Variants in MCF2L observed in about 807,000 individuals in gnomAD.
MCF2L encodes guanine nucleotide exchange factor DBS.
MCF2L carries 97 observed loss-of-function variants against 153.4 expected under a neutral mutation model. The observed-to-expected ratio is 0.63, with a 90% CI of 0.54 to 0.75. The LOEUF (loss-of-function observed/expected upper bound fraction) is 0.75, where lower values mean the gene tolerates loss of function less well. Among genes scored for constraint, MCF2L ranks in the 30% least tolerant of loss-of-function variants. The pLI is 0.00. For synonymous variants in MCF2L, 659 were observed against 632.2 expected (o/e 1.04, Z -0.64); for missense variants, 1,347 against 1,495.2 (o/e 0.90, Z 1.64).
At chr13:112,969,151 T>C, upstream of MCF2L, 1 of 389,100 alleles carries the variant, frequency 2.6e-6, no homozygotes, top group Non-Finnish European at 3.8e-6. This position sits in a 1 kb window ranked among gnomAD's most constrained non-coding sequence, Gnocchi z 4.8. Flanking sequence ...CGCGCGCCGC[T>C]TCCGCTTCCG....
intron 1 of MCF2L, among the ~76,000 whole-genome samples, chr13:112,977,963 A>G (rs3742241): frequency 0.21 from 32,267 of 152,124 alleles, 3,834 homozygotes; most frequent in Middle Eastern, 0.27. Context: ...AATCCCAGCT[A>G]CTTGGGAGGC....
intron 4 of MCF2L, among the ~76,000 whole-genome samples, chr13:113,056,541 GCTGAGTGGGCA>G (rs1304709911): frequency 7.1e-6 from 1 of 141,434 alleles, no homozygotes; most frequent in Non-Finnish European, 1.5e-5. Context: ...GTGTTTGGGT[GCTGAGTGGGCA>G]CTGAGTGGGC....
intron 2 of MCF2L, among the ~76,000 whole-genome samples, chr13:112,963,143 C>T (rs929644450): frequency 1.3e-5 from 2 of 152,218 alleles, no homozygotes; most frequent in Non-Finnish European, 2.9e-5. Context: ...TGGGCACAGA[C>T]GTCCCCTCTG....
In MCF2L at chr13:113,090,648, C is replaced by T. The variant is rs189805800; in HGVS notation, c.2953+920C>T. Reference sequence around the variant, plus strand: ...GAGCTCCATGATGGGAAATACATGGCGGGGAAATGGGCCCAGGAGGCCCTG... The same window carrying T: ...GAGCTCCATGATGGGAAATACATGGTGGGGAAATGGGCCCAGGAGGCCCTG... On this transcript the variant is annotated intron_variant, in intron 26 of 29. Transcript: ENST00000535094. The T allele has an allele frequency of 4.2e-5, 41 of 985,434 alleles. No individual in the cohort carries two copies. In the South Asian group the frequency reaches 6.1e-4, roughly 15 times the overall value. The allele number at this position is 985,434 out of a possible 1,614,324, so 61.0% of individuals were successfully genotyped here.
intron 26 of MCF2L, chr13:113,090,490 T>C: frequency 9.3e-6 from 9 of 971,606 alleles, no homozygotes; most frequent in Non-Finnish European, 1.1e-5. Context: ...TGCAGGGTGC[T>C]GACCTTGCTG....
chr13:112,974,914 G>A (rs780743184), intron 1 of MCF2L, among the ~76,000 whole-genome samples: 23 of 152,076 alleles, frequency 1.5e-4, no homozygotes, highest in Non-Finnish European at 3.2e-4. Flanking sequence ...TGGAAAGCTC[G>A]GCTGCCTTTT....
At chr13:113,009,864 A>C (rs541209381) in intron 1 of MCF2L, 12 of 152,318 alleles carry the variant, frequency 7.9e-5, no homozygotes, top group African/African-American at 2.9e-4. Context: ...AAAAGGCACG[A>C]CTGTCCTGTC....
chr13:112,898,288 G>A (rs372519137), intron 1 of MCF2L, among the ~76,000 whole-genome samples: 2 of 152,216 alleles, frequency 1.3e-5, no homozygotes, highest in African/African-American at 2.4e-5. Flanking sequence ...CCCCCAGCAC[G>A]GACAGGTGCT....
rs147477009 is a variant in MCF2L, at chr13:112,895,896, G to A, written c.-5+1465G>A. Among the ~76,000 whole-genome samples, 71 of 152,282 alleles carry A rather than the reference G, an allele frequency of 4.7e-4. No homozygotes were observed. The East Asian group carries it at 0.013, about 28-fold the overall frequency. ...CCCCGATTTCACCGGGCTGTGTAGG[G>A]GCCCAGGTGTCCGTGGCTCAAACTT... On this transcript the variant is annotated intron_variant, in intron 1 of 29. Coordinates refer to the MCF2L transcript ENST00000375608.
Position 113,085,090 on chromosome 13 carries a change from G to A in MCF2L, c.2159G>A (p.Cys720Tyr), listed in dbSNP as rs1358254634. ...AAGGCTCTGGGTTGGTTCCAGGAAT[G>A]CCAGAGAAAGCTGGACCACAAGCTG... ...QCSDCPFFQE[C>Y]QRKLDHKLSL... Residue 720 changes from cysteine to tyrosine, a missense_variant, in exon 20 of 30, where the codon TGC (cysteine) becomes TAC (tyrosine). Cys to Tyr is a radical substitution (Grantham distance 194). This residue lies in a region of MCF2L where 144 missense variants were observed against 238.7 expected (regional missense o/e 0.60). Coordinates refer to ENST00000535094, the MANE Select transcript of MCF2L (RefSeq NM_001112732.3). 2 of 1,613,730 alleles carry A rather than the reference G, an allele frequency of 1.2e-6. No individual in the cohort carries two copies.
intron 3 of MCF2L, chr13:113,044,225 A>C: frequency 4.1e-6 from 1 of 246,496 alleles, no homozygotes; most frequent in South Asian, 6.0e-5. Context: ...CCTACATGTG[A>C]GGCATTTTTC....
chr13:113,057,574 T>G (rs2030322309), intron 4 of MCF2L, among the ~76,000 whole-genome samples: 1 of 144,886 alleles, frequency 6.9e-6, no homozygotes, highest in African/African-American at 2.6e-5. Flanking sequence ...GGGTGCTGTG[T>G]GTTTGAGTGG....
intron 1 of MCF2L, among the ~76,000 whole-genome samples, chr13:112,894,625 G>A (rs1032182536): frequency 1.3e-5 from 2 of 152,108 alleles, no homozygotes; most frequent in African/African-American, 4.8e-5. Context: ...CGCGGCCCCT[G>A]CCCAGCGTCC....
At chr13:112,981,105 G>A (rs528394669) in intron 1 of MCF2L, among the ~76,000 whole-genome samples, 12 of 148,944 alleles carry the variant, frequency 8.1e-5, no homozygotes, top group African/African-American at 2.5e-4. Flanking sequence ...GTCCCTTCCT[G>A]TGCACTGGGG....
In MCF2L at chr13:113,087,409, G is replaced by T. The variant is rs772681346; in HGVS notation, c.2548G>T (p.Glu850Ter). Residue 850 changes from glutamate to a stop codon, truncating the protein, a stop_gained, in exon 22 of 30, where the codon GAG (glutamate) becomes TAG (stop). Coordinates refer to ENST00000535094, the MANE Select transcript of MCF2L (RefSeq NM_001112732.3). LOFTEE classifies it high-confidence loss of function. ...CTGCAAGAAGAGGGAGGAGAATGGG[G>T]AGGGGTATGAGAAAGCTCCCTCCTA... ...LFCKKREENG[E>*]GYEKAPSYSY... 6.2e-7 allele frequency: 1 copy of T among 1,613,138 alleles called. No homozygotes were observed.
At position 112,904,081 on chromosome 13, in the gene MCF2L, GC is replaced by G. The variant is rs1447462703; in HGVS notation, c.169+1713del. 6.6e-6 allele frequency among the ~76,000 whole-genome samples: 1 copy of G among 152,086 alleles called. No homozygotes were observed. The highest frequency in any genetic ancestry group is 2.4e-5 in the African/African-American group (1 of 41,406). On this transcript the variant is annotated intron_variant, in intron 2 of 29. Transcript: ENST00000375608. This position sits in a 1 kb window ranked among gnomAD's most constrained non-coding sequence, Gnocchi z 4.2. ...CTCGGACTGGTGCCTTTCCCTGAGC[GC>G]CCAAGTCTCGCGTGGACCAGCTCTG...
Position 112,899,543 on chromosome 13 carries a change from G to A in MCF2L, c.-4-2656G>A, listed in dbSNP as rs139778230. 9.1e-4 allele frequency among the ~76,000 whole-genome samples: 138 copies of A among 152,310 alleles called. 1 individual carries two copies. In the East Asian group the frequency reaches 9.7e-3, roughly 11 times the overall value. On this transcript the variant is annotated intron_variant, in intron 1 of 29. Coordinates refer to the MCF2L transcript ENST00000375608. Reference sequence around the variant, plus strand: ...CAGTTTCCAGACTCTCTCTACCCACGTATCTTGGGGTTAACTCTGGTGTCC... The same window carrying A: ...CAGTTTCCAGACTCTCTCTACCCACATATCTTGGGGTTAACTCTGGTGTCC...
At chr13:112,911,711 T>A (rs2081235369) in intron 2 of MCF2L, among the ~76,000 whole-genome samples, 1 of 152,246 alleles carries the variant, frequency 6.6e-6, no homozygotes, top group African/African-American at 2.4e-5. Flanking sequence ...CGCCAGCCTT[T>A]CCTCACAGAA....
intron 1 of MCF2L, among the ~76,000 whole-genome samples, chr13:112,970,337 C>T (rs1377182979): frequency 6.6e-6 from 1 of 152,098 alleles, no homozygotes; most frequent in Non-Finnish European, 1.5e-5. Flanking sequence ...TCTCTGCCCA[C>T]CCCGATGGAT....
Sources: gnomAD v4.1 joint callset for allele counts (sites outside exome capture counted in the v4.1 genomes callset) on GRCh38, gnomAD v4.1.1 for gene constraint, gnomAD v4.1.1 regional missense constraint, Gnocchi (gnomAD v3.1) non-coding constraint, MANE v1.5 for transcripts, NCBI Gene and HGNC (gene_info 2026-07-23, HGNC 2026-07-21) for gene names.